Variants in CABCOCO1 observed in about 807,000 individuals in gnomAD.
CABCOCO1 encodes the protein ciliary-associated calcium-binding coiled-coil protein 1.
A neutral mutation model predicts 35.7 loss-of-function variants in CABCOCO1; 28 were observed. The observed-to-expected ratio is 0.78, with a 90% confidence interval of 0.58 to 1.07. The LOEUF is 1.07. Ranked by LOEUF, CABCOCO1 falls within the 50% of genes least tolerant of loss-of-function variation. The probability of loss-of-function intolerance (pLI) is 0.00; values close to 1 mark genes in which losing one functional copy is unlikely to be tolerated. For missense variants in CABCOCO1, 326 were observed against 309.2 expected, an observed-to-expected ratio of 1.05 and a Z score of -0.41; for synonymous variants, 95 against 100.1, an observed-to-expected ratio of 0.95 and a Z score of 0.30.
chr10:61,763,241 T>C (rs192006238), intron 7 of CABCOCO1, among the ~76,000 whole-genome samples: 2 of 152,262 alleles, frequency 1.3e-5, no homozygotes, highest in East Asian at 3.9e-4. Flanking sequence ...TCAAAATTCC[T>C]TTTCTATGTG....
intron 1 of CABCOCO1, among the ~76,000 whole-genome samples, chr10:61,667,959 C>G (rs1005364916): frequency 4.0e-5 from 6 of 151,886 alleles, no homozygotes; most frequent in African/African-American, 1.2e-4. Context: ...ATAAGAATGA[C>G]TTAGGATTTC....
chr10:61,763,085 A>G (rs1049160982), intron 7 of CABCOCO1, among the ~76,000 whole-genome samples: 1 of 152,102 alleles, frequency 6.6e-6, no homozygotes, highest in African/African-American at 2.4e-5. Context: ...GACCTGCTGT[A>G]GGAATATTTA....
chr10:61,744,063 T>G (rs1841606006), intron 5 of CABCOCO1, among the ~76,000 whole-genome samples: 1 of 152,184 alleles, frequency 6.6e-6, no homozygotes, highest in Non-Finnish European at 1.5e-5. Context: ...AGTACCGTAC[T>G]TGGCTTGGAG....
At chr10:61,756,105 A>AT (rs1174322884) in intron 5 of CABCOCO1, among the ~76,000 whole-genome samples, 2 of 152,050 alleles carry the variant, frequency 1.3e-5, no homozygotes, top group Non-Finnish European at 2.9e-5. Flanking sequence ...TGGCAATGAA[A>AT]TTTCATACTG....
At chr10:61,749,333 T>C (rs1431198310) in intron 5 of CABCOCO1, among the ~76,000 whole-genome samples, 1 of 152,248 alleles carries the variant, frequency 6.6e-6, no homozygotes, top group East Asian at 1.9e-4. Flanking sequence ...TGCCTGTTCC[T>C]AGAGAAAACT....
chr10:61,680,608 C>T lies in CABCOCO1; in HGVS notation c.165-535C>T, dbSNP rs867534903. ...TATAACATATGTTATACATGTATAACATGTTATACATAACATATACATGTT... is the reference window on the plus strand; with the variant it reads ...TATAACATATGTTATACATGTATAATATGTTATACATAACATATACATGTT... On this transcript the variant is annotated intron_variant, in intron 2 of 7. Transcript: ENST00000648843. Among the ~76,000 whole-genome samples, 52 of 80,202 alleles carry T rather than the reference C, an allele frequency of 6.5e-4. 3 individuals carry two copies. Among genetic ancestry groups the T allele is most frequent in the South Asian group, 1.3e-3 (3 of 2,364 alleles). 52.6% of individuals were successfully genotyped at this position (80,202 alleles called of 152,430 possible).
intron 2 of CABCOCO1, among the ~76,000 whole-genome samples, chr10:61,673,525 A>G (rs1229522267): frequency 6.6e-6 from 1 of 152,198 alleles, no homozygotes; most frequent in African/African-American, 2.4e-5. Context: ...ACCATAACAG[A>G]CAAATAGAAA....
intron 5 of CABCOCO1, among the ~76,000 whole-genome samples, chr10:61,693,911 T>C (rs561637877): frequency 3.9e-5 from 6 of 151,974 alleles, no homozygotes; most frequent in African/African-American, 1.4e-4. Context: ...AAAAAATGAC[T>C]GAATCAAATT....
intron 5 of CABCOCO1, among the ~76,000 whole-genome samples, chr10:61,705,666 C>G (rs959501774): frequency 4.6e-5 from 7 of 152,154 alleles, no homozygotes; most frequent in African/African-American, 1.7e-4. Context: ...TCAAGGAAGG[C>G]TCCTGTGAGT....
chr10:61,679,517 T>C (rs1839642390), intron 2 of CABCOCO1, among the ~76,000 whole-genome samples: 1 of 152,124 alleles, frequency 6.6e-6, no homozygotes, highest in South Asian at 2.1e-4. Context: ...TCTTTCTTTT[T>C]CCTTACCAAT....
At chr10:61,674,292 C>A (rs1016284057) in intron 2 of CABCOCO1, among the ~76,000 whole-genome samples, 1 of 151,986 alleles carries the variant, frequency 6.6e-6, no homozygotes, top group Non-Finnish European at 1.5e-5. Context: ...GTAAGTGATA[C>A]AGAAGGTGAT....
intron 5 of CABCOCO1, among the ~76,000 whole-genome samples, chr10:61,745,688 C>T (rs932466807): frequency 2.0e-5 from 3 of 152,194 alleles, no homozygotes; most frequent in Admixed American, 6.6e-5. Context: ...CTGAATCTTA[C>T]GCAAAACACA....
At chr10:61,709,451 C>T (rs985314573) in intron 5 of CABCOCO1, among the ~76,000 whole-genome samples, 10 of 152,042 alleles carry the variant, frequency 6.6e-5, no homozygotes, top group Admixed American at 6.6e-4. Flanking sequence ...ATTATGGCTA[C>T]CATGTTTGGA....
intron 4 of CABCOCO1, among the ~76,000 whole-genome samples, chr10:61,688,843 A>T (rs1287321690): frequency 2.0e-5 from 3 of 152,334 alleles, no homozygotes; most frequent in Non-Finnish European, 4.4e-5. Context: ...AAGCAGAAGA[A>T]AATGCATTAT....
In CABCOCO1 at chr10:61,726,273, T is replaced by C. The variant is rs1326390826; in HGVS notation, c.553-33786T>C. ...CAATAAGAAATCGATTAAGTACACA[T>C]TTGTACATACATCCAATATAAGGCT... On this transcript the variant is annotated intron_variant, in intron 5 of 7. Transcript: ENST00000648843. Among the ~76,000 whole-genome samples the C allele has an allele frequency of 2.0e-5, 3 of 152,222 alleles. No individual in the cohort carries two copies. The East Asian group carries it at 5.8e-4, about 29-fold the overall frequency.
intron 5 of CABCOCO1, among the ~76,000 whole-genome samples, chr10:61,733,047 A>G (rs1022108205): frequency 1.3e-5 from 2 of 152,154 alleles, no homozygotes; most frequent in African/African-American, 4.8e-5. Context: ...TTATGTAACT[A>G]TCTACCATCT....
In CABCOCO1 at chr10:61,681,181, C is replaced by T; in HGVS notation, c.203C>T (p.Thr68Ile). Residue 68 changes from threonine (T) to isoleucine (I), a missense_variant, in exon 3 of 8, where the codon ACT (threonine) becomes ATT (isoleucine). Transcript: ENST00000648843. ...TTTTTGAATTTCAAAAACCTTGAAA[C>T]TTGTTTAAAGGATGCCATTCTACTA... The part of the protein sequence containing the change: ...RIFLNFKNLE[T>I]CLKDAILLDY... The T allele has an allele frequency of 6.7e-7, 1 of 1,494,302 alleles. No individual in the cohort carries two copies. Among genetic ancestry groups the T allele is most frequent in the Non-Finnish European group, 9.0e-7 (1 of 1,113,692 alleles). 92.6% of individuals were successfully genotyped at this position (1,494,302 alleles called of 1,614,324 possible).
intron 5 of CABCOCO1, among the ~76,000 whole-genome samples, chr10:61,706,248 T>A (rs1564542280): frequency 1.3e-5 from 2 of 152,208 alleles, no homozygotes; most frequent in Non-Finnish European, 2.9e-5. Context: ...ATGTGCAGTT[T>A]ATGAAAACGA....
At chr10:61,729,082 G>A (rs979115969) in intron 5 of CABCOCO1, among the ~76,000 whole-genome samples, 19 of 152,108 alleles carry the variant, frequency 1.2e-4, no homozygotes, top group Non-Finnish European at 2.5e-4. Flanking sequence ...ACACATATCA[G>A]TGTGAACTAA....
Sources: allele counts gnomAD v4.1 joint callset (sites outside exome capture counted in the v4.1 genomes callset), GRCh38; gene constraint gnomAD v4.1.1; transcripts MANE v1.5; gene names NCBI Gene and HGNC (gene_info 2026-07-23, HGNC 2026-07-21).